AJAP1: variants seen among roughly 807,000 people sequenced by gnomAD.
AJAP1 encodes adherens junction-associated protein 1.
AJAP1 carries 5 observed loss-of-function variants against 35.0 expected under a neutral mutation model. The observed-to-expected ratio is 0.14, with a 90% confidence interval of 0.07 to 0.30. The LOEUF (loss-of-function observed/expected upper bound fraction) is 0.30. Among genes scored for constraint, AJAP1 ranks in the 10% least tolerant of loss-of-function variants. AJAP1 has a pLI of 1.00. For synonymous variants in AJAP1, 284 were observed against 249.3 expected, an observed-to-expected ratio of 1.14 and a Z score of -1.31; for missense variants, 586 against 571.0, an observed-to-expected ratio of 1.03 and a Z score of -0.27.
chr1:4,683,508 T>C (rs1639533826), intron 1 of AJAP1, among the ~76,000 whole-genome samples: 1 of 152,170 alleles, frequency 6.6e-6, no homozygotes, highest in Non-Finnish European at 1.5e-5. Context: ...TTTCAGTGGG[T>C]CCACTGGGAC....
At chr1:4,763,608 C>G (rs549893873) in intron 2 of AJAP1, among the ~76,000 whole-genome samples, 2 of 152,274 alleles carry the variant, frequency 1.3e-5, no homozygotes, top group Admixed American at 1.3e-4. Flanking sequence ...TGGACTGAGT[C>G]TGGAAGATCC....
Position 4,654,994 on chromosome 1 carries a change from C to G in AJAP1, c.-432C>G, listed in dbSNP as rs1214588718. ...CGGAGCTCCGGCTGGAGGCAAGAGCCGCGCGCCGGGAGACACGCACCGTGA... is the reference window on the plus strand; with the variant it reads ...CGGAGCTCCGGCTGGAGGCAAGAGCGGCGCGCCGGGAGACACGCACCGTGA... On this transcript the variant is annotated 5_prime_UTR_variant, in exon 1 of 6. Coordinates refer to ENST00000378191, the MANE Select transcript of AJAP1 (RefSeq NM_018836.4). The surrounding 1 kb of genome is among the most constrained non-coding windows in gnomAD (Gnocchi z 5.1). 1.3e-5 allele frequency: 2 copies of G among 150,228 alleles called. No homozygotes were observed. Among genetic ancestry groups the G allele is most frequent in the Admixed American group, 1.3e-4 (2 of 15,120 alleles). The allele number at this position is 150,228 out of a possible 1,614,324, so 9.3% of individuals were successfully genotyped here.
intron 1 of AJAP1, among the ~76,000 whole-genome samples, chr1:4,667,586 C>T (rs1639158183): frequency 6.6e-6 from 1 of 152,234 alleles, no homozygotes; most frequent in South Asian, 2.1e-4. Context: ...GTTAGTGCCC[C>T]TGGAAGAATC....
chr1:4,671,629 T>C (rs10799256), intron 1 of AJAP1, among the ~76,000 whole-genome samples: 41,108 of 151,604 alleles, frequency 0.27, 6,048 homozygotes, highest in South Asian at 0.5. Flanking sequence ...CAATTCTTCC[T>C]CACACACCTC....
At chr1:4,766,032 G>A (rs577718448) in intron 2 of AJAP1, among the ~76,000 whole-genome samples, 24 of 152,176 alleles carry the variant, frequency 1.6e-4, no homozygotes, top group East Asian at 3.9e-4. Context: ...AGCATTAACC[G>A]ATCATCCAAA....
At chr1:4,689,422 A>G (rs1226982323) in intron 1 of AJAP1, among the ~76,000 whole-genome samples, 1 of 152,166 alleles carries the variant, frequency 6.6e-6, no homozygotes. Flanking sequence ...AGGGCCAGGA[A>G]CGCAAGGCCC....
Position 4,774,424 on chromosome 1 carries a change from C to T in AJAP1, c.1164-3C>T. ...CCAAAGCCCATTTTTCTGTTCACCG[C>T]AGACCCTCCTCTTCTGATCGGCATC... On this transcript the variant is annotated splice_polypyrimidine_tract_variant and splice_region_variant and intron_variant, in intron 4 of 5. Coordinates refer to ENST00000378191, the MANE Select transcript of AJAP1 (RefSeq NM_018836.4). 6.2e-7 allele frequency: 1 copy of T among 1,614,182 alleles called. No individual in the cohort carries two copies. Among genetic ancestry groups the T allele is most frequent in the Non-Finnish European group, 8.5e-7 (1 of 1,180,000 alleles).
intron 4 of AJAP1, among the ~76,000 whole-genome samples, chr1:4,773,621 C>T (rs933903419): frequency 6.6e-6 from 1 of 152,234 alleles, no homozygotes; most frequent in East Asian, 1.9e-4. Context: ...TGGTTTTACA[C>T]TCAGACATTT....
chr1:4,680,768 A>T (rs977932351), intron 1 of AJAP1, among the ~76,000 whole-genome samples: 1 of 152,210 alleles, frequency 6.6e-6, no homozygotes, highest in African/African-American at 2.4e-5. Context: ...TTTCCATTCC[A>T]GTAAGAATGG....
At position 4,712,089 on chromosome 1, in the gene AJAP1, G is replaced by T. The variant is rs1322836638; in HGVS notation, c.219G>T (p.Arg73=). The part of the protein sequence containing the change: ...LWSFRSGQPA[R]VPAPVWSPRP... ...GTTTTAGGAGTGGACAGCCAGCGCG[G>T]GTCCCGGCCCCGGTGTGGAGCCCCC... is the stretch of plus-strand genomic sequence containing the variant. The change falls in exon 2 of 6, where the codon CGG becomes CGT. Residue 73 remains arginine (R), a synonymous_variant. Transcript: ENST00000378191. 3 of 1,560,358 alleles carry T rather than the reference G, an allele frequency of 1.9e-6. No individual in the cohort carries two copies. Among genetic ancestry groups the T allele is most frequent in the East Asian group, 4.8e-5 (2 of 42,060 alleles).
At chr1:4,672,757 C>T (rs1278923347) in intron 1 of AJAP1, among the ~76,000 whole-genome samples, 1 of 152,168 alleles carries the variant, frequency 6.6e-6, no homozygotes, top group Admixed American at 6.5e-5. Context: ...GAAACCACAC[C>T]CCTTAATCCA....
At chr1:4,751,365 C>A (rs1255554093) in intron 2 of AJAP1, among the ~76,000 whole-genome samples, 1 of 152,332 alleles carries the variant, frequency 6.6e-6, no homozygotes, top group East Asian at 1.9e-4. Context: ...TTAGCTGATG[C>A]TTCCTGACTC....
rs114921411 is a variant in AJAP1 at position 4,772,422 on chromosome 1, C to T, written c.1060C>T (p.Leu354=). ...LDIFTAYNET[L]QCSHECVRAS... is the part of the protein sequence containing the mutation. ...CATATTCACGGCCTATAACGAGACC[C>T]TGCAGTGTTCTCACGAGTGCGTCAG... Residue 354 remains leucine, a synonymous_variant, in exon 4 of 6, where the codon CTG becomes TTG. Transcript: ENST00000378191. 175 of 1,614,244 alleles carry T rather than the reference C, an allele frequency of 1.1e-4. No homozygotes were observed. In the African/African-American group the frequency reaches 2.2e-3, roughly 20 times the overall value.
rs1378321815 is a variant in AJAP1, at chr1:4,734,214, T to C, written c.829+21515T>C. Reference sequence around the variant, plus strand: ...ACCCGCTCAGATGCTCCTTCTTAGATGAAAGGAGTGCCTCAGCTGAGCCCC... The same window carrying C: ...ACCCGCTCAGATGCTCCTTCTTAGACGAAAGGAGTGCCTCAGCTGAGCCCC... On this transcript the variant is annotated intron_variant, in intron 2 of 5. Transcript: ENST00000378191. The surrounding 1 kb of genome is among the most constrained non-coding windows in gnomAD (Gnocchi z 4.3). Among the ~76,000 whole-genome samples, 4 of 152,158 alleles carry C rather than the reference T, an allele frequency of 2.6e-5. No individual in the cohort carries two copies. Among genetic ancestry groups the C allele is most frequent in the African/African-American group, 9.7e-5 (4 of 41,450 alleles).
At chr1:4,721,112 C>T (rs879782578) in intron 2 of AJAP1, among the ~76,000 whole-genome samples, 2 of 152,206 alleles carry the variant, frequency 1.3e-5, no homozygotes, top group African/African-American at 4.8e-5. Flanking sequence ...TAGCACTTCA[C>T]AGTTTGCCCA....
In AJAP1 at chr1:4,783,093, C is replaced by CT. The variant is rs1217005498; in HGVS notation, c.*613dup. On this transcript the variant is annotated 3_prime_UTR_variant, in exon 6 of 6. Transcript: ENST00000378191. Reference sequence around the variant, plus strand: ...CAATTTTTGAAGATCTTAAATGTTCCTTTTTAAAAAAAAGAATTGTGTTAT... The same window carrying CT: ...CAATTTTTGAAGATCTTAAATGTTCCTTTTTTAAAAAAAAGAATTGTGTTAT... 4 of 354,968 alleles carry CT rather than the reference C, an allele frequency of 1.1e-5. No homozygotes were observed. In the East Asian group the frequency reaches 1.2e-4, roughly 11 times the overall value. 22.0% of individuals were successfully genotyped at this position (354,968 alleles called of 1,614,324 possible). A position where few individuals can be genotyped will look rare whatever the true frequency, so the allele number is the denominator to read the frequency against.
rs1640268461 is a variant in AJAP1 at position 4,712,230 on chromosome 1, C to T, written c.360C>T (p.Pro120=). The T allele has an allele frequency of 3.9e-6, 6 of 1,538,446 alleles. No individual in the cohort carries two copies. Among genetic ancestry groups the T allele is most frequent in the South Asian group, 3.8e-5 (3 of 79,932 alleles). The part of the protein sequence containing the change: ...ALVPKAGLAK[P]PAAAKSSPSL... ...TGCCCAAGGCAGGACTGGCCAAGCC[C>T]CCAGCTGCTGCCAAATCCAGCCCTT... Residue 120 remains proline, a synonymous_variant, in exon 2 of 6, where the codon CCC becomes CCT. Coordinates refer to ENST00000378191, the MANE Select transcript of AJAP1 (RefSeq NM_018836.4).
intron 1 of AJAP1, among the ~76,000 whole-genome samples, chr1:4,664,901 A>G (rs1639082162): frequency 6.6e-6 from 1 of 152,082 alleles, no homozygotes; most frequent in South Asian, 2.1e-4. Flanking sequence ...CAGCTACGAT[A>G]TATATAAAAG....
chr1:4,761,648 G>A lies in AJAP1; in HGVS notation c.830-8205G>A, dbSNP rs536712616. Among the ~76,000 whole-genome samples the A allele has an allele frequency of 3.9e-5, 6 of 152,252 alleles. No homozygotes were observed. The East Asian group carries it at 7.7e-4, about 20-fold the overall frequency. ...GGAGTTTATTAAGGGGAATTGACTC[G>A]CACGTTCACAAGATGAGGTCCCACA... is the stretch of plus-strand genomic sequence containing the variant. On this transcript the variant is annotated intron_variant, in intron 2 of 5. Coordinates refer to ENST00000378191, the MANE Select transcript of AJAP1 (RefSeq NM_018836.4).
Sources: allele counts gnomAD v4.1 joint callset (sites outside exome capture counted in the v4.1 genomes callset), GRCh38; gene constraint gnomAD v4.1.1; non-coding constraint Gnocchi (gnomAD v3.1); transcripts MANE v1.5; gene names NCBI Gene and HGNC (gene_info 2026-07-23, HGNC 2026-07-21).